Variants in SIPA1L1 observed in about 807,000 individuals in gnomAD.
The protein encoded by SIPA1L1 is signal induced proliferation associated 1 like 1.
Under a neutral mutation model 162.7 loss-of-function variants are expected in SIPA1L1, and 26 were observed. That is an observed-to-expected ratio of 0.16 (90% CI 0.12 to 0.22). The LOEUF is 0.22. SIPA1L1 is among the 10% of genes least tolerant of loss of function. SIPA1L1 has a pLI of 1.00. For synonymous variants in SIPA1L1, 829 were observed against 837.4 expected (o/e 0.99, Z 0.17); for missense variants, 1,874 against 2,241.0 (o/e 0.84, Z 3.31).
At chr14:71,513,998 C>T (rs1027008437) in intron 3 of SIPA1L1, among the ~76,000 whole-genome samples, 1 of 152,100 alleles carries the variant, frequency 6.6e-6, no homozygotes, top group Admixed American at 6.6e-5. Flanking sequence ...CTGCAGCAAC[C>T]TCAATTCTTG....
intron 2 of SIPA1L1, among the ~76,000 whole-genome samples, chr14:71,374,685 G>A (rs1186664803): frequency 8.0e-6 from 1 of 124,460 alleles, no homozygotes; most frequent in African/African-American, 2.9e-5. Flanking sequence ...TGAGGCAACC[G>A]TTTTGAAAGT....
chr14:71,680,521 C>T (rs1437772266), intron 12 of SIPA1L1, among the ~76,000 whole-genome samples: 1 of 152,058 alleles, frequency 6.6e-6, no homozygotes, highest in Non-Finnish European at 1.5e-5. Flanking sequence ...ATCAGAAGAA[C>T]TAGAGAAGCA....
chr14:71,491,432 G>A (rs558815670), intron 2 of SIPA1L1, among the ~76,000 whole-genome samples: 2 of 152,296 alleles, frequency 1.3e-5, no homozygotes, highest in African/African-American at 4.8e-5. Flanking sequence ...TAATGGCTTA[G>A]TGGAAGAGAA....
intron 12 of SIPA1L1, among the ~76,000 whole-genome samples, chr14:71,679,187 A>G (rs2045533732): frequency 6.6e-6 from 1 of 152,234 alleles, no homozygotes; most frequent in South Asian, 2.1e-4. Context: ...AGCCAGATAG[A>G]AAGGTCAGGT....
At chr14:71,661,996 G>A (rs1051590012) in intron 10 of SIPA1L1, among the ~76,000 whole-genome samples, 2 of 152,150 alleles carry the variant, frequency 1.3e-5, no homozygotes, top group African/African-American at 4.8e-5. Context: ...TCAGAATTCA[G>A]GCCTCTATCT....
At chr14:71,595,826 A>G (rs534209242) in intron 5 of SIPA1L1, among the ~76,000 whole-genome samples, 2 of 152,162 alleles carry the variant, frequency 1.3e-5, no homozygotes, top group East Asian at 3.9e-4. Context: ...ATTGTGTTCA[A>G]CCTACGATCT....
intron 4 of SIPA1L1, among the ~76,000 whole-genome samples, chr14:71,578,782 CTCTT>C (rs1567234584): frequency 6.6e-6 from 1 of 152,362 alleles, no homozygotes; most frequent in South Asian, 2.1e-4. Context: ...AACAATCCAA[CTCTT>C]TCTTATAAAA....
At chr14:71,573,666 T>C (rs2032503764) in intron 4 of SIPA1L1, 1 of 456,644 alleles carries the variant, frequency 2.2e-6, no homozygotes, top group Non-Finnish European at 4.4e-6. Context: ...GAAAGAGAGA[T>C]TGCAGAGCTC....
intron 2 of SIPA1L1, among the ~76,000 whole-genome samples, chr14:71,352,554 A>G (rs1244271362): frequency 2.0e-5 from 3 of 152,132 alleles, no homozygotes; most frequent in African/African-American, 7.2e-5. Flanking sequence ...AGATCCATCT[A>G]TGCTCTTACA....
chr14:71,435,598 C>T (rs2044315893), intron 2 of SIPA1L1, among the ~76,000 whole-genome samples: 2 of 152,218 alleles, frequency 1.3e-5, no homozygotes, highest in South Asian at 4.1e-4. Context: ...GGGTGGGTTC[C>T]AAGTCTTTGC....
intron 20 of SIPA1L1, among the ~76,000 whole-genome samples, chr14:71,732,584 T>C (rs1345216099): frequency 1.3e-5 from 2 of 152,224 alleles, no homozygotes; most frequent in African/African-American, 2.4e-5. Flanking sequence ...TAGTTGTTAA[T>C]ATGTCAGTTT....
chr14:71,326,815 G>A (rs531273933), intron 2 of SIPA1L1, among the ~76,000 whole-genome samples: 18 of 147,962 alleles, frequency 1.2e-4, no homozygotes, highest in Non-Finnish European at 2.1e-4. Flanking sequence ...GGGTTCAAGC[G>A]ATTCTCCTGC....
chr14:71,503,222 A>G (rs1274193507), intron 2 of SIPA1L1, among the ~76,000 whole-genome samples: 5 of 152,194 alleles, frequency 3.3e-5, no homozygotes, highest in Non-Finnish European at 5.9e-5. Context: ...AGAACAATGC[A>G]TGTGAAAGTA....
At chr14:71,457,907 A>G (rs2046307412) in intron 2 of SIPA1L1, among the ~76,000 whole-genome samples, 1 of 152,084 alleles carries the variant, frequency 6.6e-6, no homozygotes, top group Non-Finnish European at 1.5e-5. Flanking sequence ...TGCAATGAAC[A>G]TTAAGTTGTA....
rs149921556 is a variant in SIPA1L1 at position 71,708,772 on chromosome 14, G to T, written c.3766-450G>T. On this transcript the variant is annotated intron_variant, in intron 16 of 23. Transcript: ENST00000381232. ...TTAGAAGGCTGTCTCCTAAACAGAG[G>T]CTAATTGGGGAAGGAGGTCTCTCTA... Among the ~76,000 whole-genome samples, 29 of 152,266 alleles carry T rather than the reference G, an allele frequency of 1.9e-4. No individual in the cohort carries two copies. The East Asian group carries it at 5.2e-3, about 27-fold the overall frequency.
intron 21 of SIPA1L1, among the ~76,000 whole-genome samples, chr14:71,734,502 A>T (rs547344928): frequency 1.3e-5 from 2 of 152,364 alleles, no homozygotes; most frequent in East Asian, 3.9e-4. Context: ...ACAAACTTAT[A>T]GCAGGTGATT....
rs572199950 is a variant in SIPA1L1, at chr14:71,329,717, A to C, written c.-465+8536A>C. ...GATTGATGAAGTTGATTGTATTTTC[A>C]TATTCTCGTTGGCCATTTGTATATT... On this transcript the variant is annotated intron_variant, in intron 2 of 23. Coordinates refer to ENST00000381232, the MANE Select transcript of SIPA1L1 (RefSeq NM_001386936.1). 2.6e-5 allele frequency among the ~76,000 whole-genome samples: 4 copies of C among 152,232 alleles called. No individual in the cohort carries two copies. The East Asian group carries it at 7.7e-4, about 29-fold the overall frequency.
chr14:71,694,532 G>A (rs2149711472), intron 13 of SIPA1L1, among the ~76,000 whole-genome samples: 1 of 151,966 alleles, frequency 6.6e-6, no homozygotes, highest in African/African-American at 2.4e-5. Context: ...GCAGAAGGAA[G>A]CCCCAGAGGA....
At chr14:71,566,995 A>G (rs981512876) in intron 4 of SIPA1L1, among the ~76,000 whole-genome samples, 3 of 152,240 alleles carry the variant, frequency 2.0e-5, no homozygotes, top group Non-Finnish European at 4.4e-5. Flanking sequence ...GACCTATTAG[A>G]AAAATGGACA....
Sources: allele counts gnomAD v4.1 joint callset (sites outside exome capture counted in the v4.1 genomes callset), GRCh38; gene constraint gnomAD v4.1.1; transcripts MANE v1.5; gene names NCBI Gene and HGNC (gene_info 2026-07-23, HGNC 2026-07-21).